FAM13B: variants seen among roughly 807,000 people sequenced by gnomAD.
FAM13B encodes protein FAM13B.
Under a neutral mutation model 117.3 loss-of-function variants are expected in FAM13B, and 60 were observed. That is an observed-to-expected ratio of 0.51 (90% CI 0.42 to 0.63). The LOEUF is 0.63. Among genes scored for constraint, FAM13B ranks in the 30% least tolerant of loss-of-function variants. The probability of loss-of-function intolerance (pLI) is 0.00; values close to 1 mark genes in which losing one functional copy is unlikely to be tolerated. For missense variants in FAM13B, 972 were observed against 1,091.9 expected (o/e 0.89, Z 1.55); for synonymous variants, 332 against 356.1 (o/e 0.93, Z 0.76).
At position 137,945,814 on chromosome 5, in the gene FAM13B, T is replaced by C. The variant is rs1214550338; in HGVS notation, c.2340+88A>G. On this transcript the variant is annotated intron_variant, in intron 20 of 23. Transcript: ENST00000689681. ...CAATTATTTCTGTCTTGGCTGTGTA[T>C]TTCTCCAATATACCACAATAATAAT... The C allele has an allele frequency of 1.2e-5, 11 of 914,634 alleles. 1 individual carries two copies. The highest frequency in any genetic ancestry group is 2.3e-5 in the Admixed American group (1 of 42,802). 56.7% of individuals were successfully genotyped at this position (914,634 alleles called of 1,614,324 possible).
chr5:137,952,488 AAAC>A (rs1440309932), intron 17 of FAM13B, 137 bp downstream of exon 17: 2 of 581,862 alleles, frequency 3.4e-6, no homozygotes, highest in East Asian at 5.8e-5. Context: ...GACCCTAATA[AAAC>A]AAAAAAAGGT....
chr5:137,970,304 T>G (rs1348661870), intron 10 of FAM13B, among the ~76,000 whole-genome samples: 1 of 151,908 alleles, frequency 6.6e-6, no homozygotes, highest in Non-Finnish European at 1.5e-5. Flanking sequence ...GGGGCCAATA[T>G]TCAACATTCT....
In FAM13B at chr5:137,976,130, G is replaced by T. The variant is rs542375579; in HGVS notation, c.1179+9127C>A. Among the ~76,000 whole-genome samples, 32 of 151,842 alleles carry T rather than the reference G, an allele frequency of 2.1e-4. No individual in the cohort carries two copies. The South Asian group carries it at 6.7e-3, about 32-fold the overall frequency. On this transcript the variant is annotated intron_variant, in intron 10 of 23. Transcript: ENST00000689681. ...TGCCACCACGCCTGGCTAATTTTTC[G>T]TATTTTTGTAGAGATGGGGTTTCAC...
intron 10 of FAM13B, among the ~76,000 whole-genome samples, chr5:137,983,533 A>T (rs1464582387): frequency 2.6e-5 from 4 of 152,116 alleles, no homozygotes; most frequent in Non-Finnish European, 5.9e-5. Flanking sequence ...TTTTTTCTGA[A>T]CTTGGAAGAA....
intron 1 of FAM13B, among the ~76,000 whole-genome samples, chr5:138,042,984 C>T (rs1460235167): frequency 1.3e-5 from 2 of 152,032 alleles, no homozygotes; most frequent in Admixed American, 6.6e-5. Context: ...CCCAGCTACT[C>T]GGGAGGCTGA....
Position 138,033,028 on chromosome 5 carries a change from G to C in FAM13B, c.-449C>G. 6 of 986,898 alleles carry C rather than the reference G, an allele frequency of 6.1e-6. No homozygotes were observed. Among genetic ancestry groups the C allele is most frequent in the Non-Finnish European group, 7.2e-6 (6 of 831,140 alleles). 61.1% of individuals were successfully genotyped at this position (986,898 alleles called of 1,614,324 possible). A position where few individuals can be genotyped will look rare whatever the true frequency, so the allele number is the denominator to read the frequency against. On this transcript the variant is annotated 5_prime_UTR_variant, in exon 1 of 24. Coordinates refer to ENST00000689681, the MANE Select transcript of FAM13B (RefSeq NM_001385994.1). ...ACAGGGGGAGAGAGTGGCGACAGAG[G>C]CGGCGGCTGAGGTGCAGAGCCTCCC...
At chr5:138,032,165 G>A (rs1790237702) in intron 1 of FAM13B, among the ~76,000 whole-genome samples, 1 of 152,128 alleles carries the variant, frequency 6.6e-6, no homozygotes, top group African/African-American at 2.4e-5. Flanking sequence ...CCTCATCTAG[G>A]AAACCAGGCG....
chr5:138,041,338 A>T (rs1870903), intron 1 of FAM13B, among the ~76,000 whole-genome samples: 111,842 of 152,034 alleles, frequency 0.74, 41,827 homozygotes, highest in East Asian at 0.97. Flanking sequence ...TCAATAATTT[A>T]ACATATACTA....
intron 11 of FAM13B, 29 bp from the exon 12 acceptor site, chr5:137,960,243 A>G (rs773214257): frequency 5.3e-6 from 7 of 1,319,050 alleles, no homozygotes; most frequent in African/African-American, 1.5e-5. Flanking sequence ...TTGTTAGTAT[A>G]TTAAGAATAA....
chr5:138,006,127 G>C (rs1336402365), intron 7 of FAM13B, among the ~76,000 whole-genome samples: 3 of 152,038 alleles, frequency 2.0e-5, no homozygotes, highest in Non-Finnish European at 4.4e-5. Flanking sequence ...TCGATCTCCT[G>C]ACCTCATGAT....
At chr5:138,051,127 C>T (rs1791788603) in intron 1 of FAM13B, among the ~76,000 whole-genome samples, 1 of 152,134 alleles carries the variant, frequency 6.6e-6, no homozygotes, top group Non-Finnish European at 1.5e-5. Context: ...TCTTTTCATA[C>T]ATTTATAAAA....
At chr5:138,001,022 T>G (rs1781133818) in intron 7 of FAM13B, among the ~76,000 whole-genome samples, 1 of 152,142 alleles carries the variant, frequency 6.6e-6, no homozygotes, top group Non-Finnish European at 1.5e-5. Flanking sequence ...TCTCAGTTTT[T>G]ATTTCTAATA....
intron 10 of FAM13B, among the ~76,000 whole-genome samples, chr5:137,964,945 T>A (rs558186036): frequency 5.0e-4 from 76 of 152,076 alleles, no homozygotes; most frequent in Non-Finnish European, 8.5e-4. Flanking sequence ...GGCGGATGGA[T>A]CACTTGAGGT....
At chr5:137,978,615 T>C (rs1774724644) in intron 10 of FAM13B, among the ~76,000 whole-genome samples, 2 of 152,186 alleles carry the variant, frequency 1.3e-5, no homozygotes, top group Admixed American at 1.3e-4. Flanking sequence ...TTTCCTCCTT[T>C]TACCTCTCTA....
intron 4 of FAM13B, among the ~76,000 whole-genome samples, chr5:138,012,706 GA>G (rs2150914378): frequency 6.6e-6 from 1 of 152,192 alleles, no homozygotes; most frequent in South Asian, 2.1e-4. Flanking sequence ...AGGTCCTCTC[GA>G]AATGAAGTGA....
intron 17 of FAM13B, among the ~76,000 whole-genome samples, chr5:137,951,551 CTT>C (rs1160194885): frequency 6.6e-6 from 1 of 152,042 alleles, no homozygotes; most frequent in East Asian, 1.9e-4. Flanking sequence ...CCTAGCTACT[CTT>C]GAGGCTGAGG....
intron 6 of FAM13B, among the ~76,000 whole-genome samples, chr5:138,008,556 C>T (rs1783126350): frequency 6.6e-6 from 1 of 152,184 alleles, no homozygotes; most frequent in Non-Finnish European, 1.5e-5. Context: ...CTTAACTTGT[C>T]CAAGTCTTAA....
At chr5:138,030,724 A>C (rs1419174606) in intron 1 of FAM13B, among the ~76,000 whole-genome samples, 24 of 134,314 alleles carry the variant, frequency 1.8e-4, no homozygotes, top group Non-Finnish European at 2.6e-4. Context: ...CCCCCCCCCA[A>C]AAAAAAAAAT....
At chr5:138,044,289 TG>T (rs1254932321) in intron 1 of FAM13B, among the ~76,000 whole-genome samples, 1 of 152,116 alleles carries the variant, frequency 6.6e-6, no homozygotes, top group African/African-American at 2.4e-5. Context: ...CTGTGGCTCA[TG>T]CCTCTATTCC....
Sources: allele counts gnomAD v4.1 joint callset (sites outside exome capture counted in the v4.1 genomes callset), GRCh38; gene constraint gnomAD v4.1.1; transcripts MANE v1.5; gene names NCBI Gene and HGNC (gene_info 2026-07-23, HGNC 2026-07-21).